The following FRMD4A variants were observed in gnomAD, a reference collection of about 807,000 sequenced individuals.
FRMD4A encodes FERM domain-containing protein 4A.
FRMD4A carries 29 observed loss-of-function variants against 129.1 expected under a neutral mutation model. The observed-to-expected ratio is 0.22, with a 90% confidence interval of 0.17 to 0.31. The LOEUF is 0.31. Among genes scored for constraint, FRMD4A ranks in the 10% least tolerant of loss-of-function variants. The probability of loss-of-function intolerance (pLI) is 1.00; values close to 1 mark genes in which losing one functional copy is unlikely to be tolerated. For missense variants in FRMD4A, 1,272 were observed against 1,375.8 expected (o/e 0.92, Z 1.19); for synonymous variants, 634 against 571.6 (o/e 1.11, Z -1.56).
intron 2 of FRMD4A, among the ~76,000 whole-genome samples, chr10:14,318,141 C>T (rs74122210): frequency 0.01 from 1,587 of 152,230 alleles, 21 homozygotes; most frequent in African/African-American, 0.035. Flanking sequence ...TAAAGCATTC[C>T]TGAACAATAT....
chr10:13,653,628 G>A (rs888473430), intron 23 of FRMD4A, among the ~76,000 whole-genome samples: 1 of 152,186 alleles, frequency 6.6e-6, no homozygotes, highest in African/African-American at 2.4e-5. Flanking sequence ...ACCAAACCAG[G>A]AACCAGACAA....
chr10:13,817,193 T>C (rs1588881881), intron 3 of FRMD4A, among the ~76,000 whole-genome samples: 1 of 152,226 alleles, frequency 6.6e-6, no homozygotes, highest in South Asian at 2.1e-4. Context: ...GCTTCAGCCA[T>C]GTGCTTTAGC....
chr10:14,327,509 T>G (rs2132129069), intron 2 of FRMD4A, among the ~76,000 whole-genome samples: 1 of 152,278 alleles, frequency 6.6e-6, no homozygotes, highest in East Asian at 1.9e-4. Context: ...GAAGGGACAT[T>G]CCCAGGATCA....
intron 2 of FRMD4A, among the ~76,000 whole-genome samples, chr10:14,013,167 C>T (rs1020595540): frequency 3.3e-5 from 5 of 152,120 alleles, no homozygotes; most frequent in Non-Finnish European, 1.5e-5. Flanking sequence ...GGCGAAATAC[C>T]ACTTACATGA....
intron 3 of FRMD4A, among the ~76,000 whole-genome samples, chr10:13,853,747 G>A (rs147718353): frequency 2.3e-4 from 33 of 140,822 alleles, no homozygotes; most frequent in African/African-American, 8.3e-4. Context: ...ACAGGAGATC[G>A]TTTGAACCCA....
intron 2 of FRMD4A, among the ~76,000 whole-genome samples, chr10:13,882,851 T>G (rs1159855489): frequency 6.6e-6 from 1 of 151,346 alleles, no homozygotes; most frequent in Admixed American, 6.6e-5. Flanking sequence ...TCACCCAGGC[T>G]GGAGTGCAGT....
intron 2 of FRMD4A, among the ~76,000 whole-genome samples, chr10:14,125,487 G>C (rs1366014947): frequency 6.6e-6 from 1 of 152,124 alleles, no homozygotes; most frequent in East Asian, 1.9e-4. Context: ...CCCTTTTTAA[G>C]AAGCTTGCTG....
At chr10:14,298,359 A>G (rs1846076454) in intron 2 of FRMD4A, among the ~76,000 whole-genome samples, 1 of 152,164 alleles carries the variant, frequency 6.6e-6, no homozygotes, top group African/African-American at 2.4e-5. Flanking sequence ...TAAACAGAGC[A>G]TACAGAGGGC....
At chr10:13,867,680 TAA>T (rs2094385929) in intron 2 of FRMD4A, among the ~76,000 whole-genome samples, 2 of 72,800 alleles carry the variant, frequency 2.7e-5, no homozygotes, top group South Asian at 4.0e-4. Context: ...TAATATATAA[TAA>T]ATATATATAA....
intron 2 of FRMD4A, among the ~76,000 whole-genome samples, chr10:14,203,890 A>G (rs552308917): frequency 5.3e-5 from 8 of 152,322 alleles, no homozygotes; most frequent in Admixed American, 2.6e-4. Flanking sequence ...ATCTCAGCCA[A>G]TCGTTCTTCC....
Position 13,654,405 on chromosome 10 carries a change from G to A in FRMD4A, c.3050+11C>T. ...AGCTGACACAGTGAAGAACATAGAA[G>A]GAGAACTCACCCAGTCTGCCAGGTT... On this transcript the variant is annotated intron_variant, in intron 23 of 24. Coordinates refer to ENST00000357447, the MANE Select transcript of FRMD4A (RefSeq NM_018027.5). The A allele has an allele frequency of 1.3e-6, 2 of 1,554,878 alleles. No individual in the cohort carries two copies. The highest frequency in any genetic ancestry group is 1.8e-6 in the Non-Finnish European group (2 of 1,125,688).
At chr10:13,928,185 C>T (rs1406106754) in intron 2 of FRMD4A, among the ~76,000 whole-genome samples, 2 of 151,950 alleles carry the variant, frequency 1.3e-5, no homozygotes, top group Non-Finnish European at 2.9e-5. Flanking sequence ...CATGCATAGC[C>T]AACTTTTTAA....
intron 2 of FRMD4A, among the ~76,000 whole-genome samples, chr10:13,906,235 C>T (rs189240852): frequency 3.3e-5 from 5 of 152,340 alleles, no homozygotes; most frequent in Admixed American, 3.3e-4. Context: ...CAGCCTGAAT[C>T]TTCCAGAAGG....
intron 12 of FRMD4A, among the ~76,000 whole-genome samples, chr10:13,736,669 T>A (rs889074481): frequency 2.6e-5 from 4 of 152,256 alleles, no homozygotes; most frequent in Admixed American, 2.0e-4. Flanking sequence ...GTTTCAATCC[T>A]ATTCGAGGAT....
At chr10:14,139,128 A>G (rs1220344252) in intron 2 of FRMD4A, among the ~76,000 whole-genome samples, 1 of 152,240 alleles carries the variant, frequency 6.6e-6, no homozygotes, top group African/African-American at 2.4e-5. Flanking sequence ...TATTGTTACT[A>G]CATAAAAATA....
chr10:13,798,328 C>T (rs1239600629), intron 4 of FRMD4A, among the ~76,000 whole-genome samples: 2 of 152,268 alleles, frequency 1.3e-5, no homozygotes, highest in Middle Eastern at 3.4e-3. Flanking sequence ...AGGAGAATCG[C>T]TTGAACCCGG....
chr10:13,785,785 C>T (rs544200915), intron 5 of FRMD4A, among the ~76,000 whole-genome samples: 97 of 151,218 alleles, frequency 6.4e-4, no homozygotes, highest in African/African-American at 2.1e-3. Flanking sequence ...CCCCACCCCA[C>T]GACAGGCCCC....
intron 2 of FRMD4A, among the ~76,000 whole-genome samples, chr10:14,268,215 T>A (rs1845045309): frequency 6.6e-6 from 1 of 152,218 alleles, no homozygotes; most frequent in Admixed American, 6.5e-5. Flanking sequence ...GCTTCAAATC[T>A]AAAATATAAT....
intron 2 of FRMD4A, among the ~76,000 whole-genome samples, chr10:13,972,865 G>A (rs2095525874): frequency 6.6e-6 from 1 of 152,178 alleles, no homozygotes; most frequent in East Asian, 1.9e-4. Context: ...GCACAGTCCT[G>A]AAAAATCATG....
Sources: allele counts gnomAD v4.1 joint callset (sites outside exome capture counted in the v4.1 genomes callset), GRCh38; gene constraint gnomAD v4.1.1; transcripts MANE v1.5; gene names NCBI Gene and HGNC (gene_info 2026-07-23, HGNC 2026-07-21).